CCDC50: variants seen among roughly 807,000 people sequenced by gnomAD.
CCDC50 encodes coiled-coil domain-containing protein 50.
In CCDC50, 54 loss-of-function variants were observed where a neutral mutation model predicts 70.2. The observed-to-expected ratio is 0.77, with a 90% CI of 0.62 to 0.96. CCDC50 has a LOEUF of 0.96. Among genes scored for constraint, CCDC50 ranks in the 50% least tolerant of loss-of-function variants. The pLI is 0.00. For synonymous variants in CCDC50, 216 were observed against 198.8 expected, an observed-to-expected ratio of 1.09 and a Z score of -0.73; for missense variants, 558 against 578.7, an observed-to-expected ratio of 0.96 and a Z score of 0.37.
intron 4 of CCDC50, among the ~76,000 whole-genome samples, chr3:191,362,731 C>T (rs1182018815): frequency 1.3e-5 from 2 of 152,180 alleles, no homozygotes; most frequent in Non-Finnish European, 2.9e-5. Context: ...ACTGCTACTC[C>T]TACTGAGCCA....
At chr3:191,342,393 G>A (rs1396443076) in intron 1 of CCDC50, among the ~76,000 whole-genome samples, 1 of 152,098 alleles carries the variant, frequency 6.6e-6, no homozygotes, top group Non-Finnish European at 1.5e-5. Flanking sequence ...TAATAGGAAG[G>A]AAAGTGCTAG....
At chr3:191,329,797 T>G in intron 1 of CCDC50, 74 bp downstream of exon 1, 1 of 1,514,274 alleles carries the variant, frequency 6.6e-7, no homozygotes, top group Admixed American at 2.0e-5. Context: ...TCAGGGGCGT[T>G]GCCATTTCGG....
chr3:191,365,958 T>C (rs970778004), intron 4 of CCDC50, among the ~76,000 whole-genome samples: 3 of 152,178 alleles, frequency 2.0e-5, no homozygotes, highest in Non-Finnish European at 2.9e-5. Context: ...GTTTCAGATT[T>C]TGGAGGATTT....
chr3:191,356,226 G>C (rs553763447), intron 1 of CCDC50, among the ~76,000 whole-genome samples: 2 of 152,214 alleles, frequency 1.3e-5, no homozygotes, highest in South Asian at 4.1e-4. Context: ...TTCATGTTTT[G>C]TCTGTTTGTA....
At chr3:191,355,917 C>T (rs192671) in intron 1 of CCDC50, among the ~76,000 whole-genome samples, 2 of 151,884 alleles carry the variant, frequency 1.3e-5, no homozygotes, top group Non-Finnish European at 2.9e-5. Context: ...ATCCCTCAGT[C>T]GTGAAGGACA....
At chr3:191,336,734 T>G (rs1452240874) in intron 1 of CCDC50, among the ~76,000 whole-genome samples, 1 of 152,220 alleles carries the variant, frequency 6.6e-6, no homozygotes, top group Non-Finnish European at 1.5e-5. Flanking sequence ...GTACTCAGAC[T>G]TATGCAATTA....
intron 2 of CCDC50, 117 bp downstream of exon 2, chr3:191,357,267 A>T: frequency 1.2e-6 from 1 of 803,280 alleles, no homozygotes; most frequent in Non-Finnish European, 2.1e-6. Context: ...CACCATCCAT[A>T]CATCCTGAAG....
chr3:191,359,343 A>C (rs568677139), intron 3 of CCDC50, among the ~76,000 whole-genome samples: 1 of 152,292 alleles, frequency 6.6e-6, no homozygotes, highest in East Asian at 1.9e-4. Context: ...AGCTGCAAGA[A>C]GTTCAGTGTT....
intron 1 of CCDC50, 109 bp downstream of exon 1, chr3:191,329,832 C>T (rs941983261): frequency 1.3e-5 from 15 of 1,161,184 alleles, no homozygotes; most frequent in Middle Eastern, 2.1e-4. Context: ...GCCCGGTGCC[C>T]GCCCTGCGTT....
chr3:191,352,612 C>CT (rs1386711206), intron 1 of CCDC50, among the ~76,000 whole-genome samples: 3 of 142,226 alleles, frequency 2.1e-5, no homozygotes, highest in Non-Finnish European at 4.8e-5. Flanking sequence ...ATTTAATAGA[C>CT]TATCAATAGA....
chr3:191,369,206 T>G (rs941288365), intron 4 of CCDC50, among the ~76,000 whole-genome samples: 2 of 152,206 alleles, frequency 1.3e-5, no homozygotes, highest in African/African-American at 4.8e-5. Context: ...ACTAATTCCT[T>G]TAAGCAAAAA....
At chr3:191,355,716 A>C (rs1712256264) in intron 1 of CCDC50, among the ~76,000 whole-genome samples, 1 of 152,236 alleles carries the variant, frequency 6.6e-6, no homozygotes, top group African/African-American at 2.4e-5. Flanking sequence ...ATCGGTTGAG[A>C]ATATGAAAAG....
At chr3:191,335,482 A>AAT (rs1711504443) in intron 1 of CCDC50, among the ~76,000 whole-genome samples, 1 of 152,196 alleles carries the variant, frequency 6.6e-6, no homozygotes, top group Admixed American at 6.5e-5. Flanking sequence ...TTTGGGGATT[A>AAT]CTTGGATGTT....
intron 1 of CCDC50, among the ~76,000 whole-genome samples, chr3:191,349,966 A>ACCCTCCCCCC (rs1712049829): frequency 9.5e-6 from 1 of 105,622 alleles, no homozygotes; most frequent in Non-Finnish European, 2.2e-5. Context: ...ATTTAATAAT[A>ACCCTCCCCCC]CCCCCCCCCT....
intron 1 of CCDC50, among the ~76,000 whole-genome samples, chr3:191,331,111 C>T (rs1407005402): frequency 6.6e-6 from 1 of 152,042 alleles, no homozygotes; most frequent in African/African-American, 2.4e-5. Context: ...TCTGGTTATC[C>T]TTTACTTTTG....
At chr3:191,371,326 T>C (rs2108659952) in intron 5 of CCDC50, among the ~76,000 whole-genome samples, 1 of 152,086 alleles carries the variant, frequency 6.6e-6, no homozygotes, top group South Asian at 2.1e-4. Context: ...GGGAAATGAG[T>C]ATTTGCAAGT....
In CCDC50 at chr3:191,393,684, A is replaced by C. The variant is rs1332817037; in HGVS notation, c.*1924A>C. 2 of 152,196 alleles carry C rather than the reference A, an allele frequency of 1.3e-5. No homozygotes were observed. Among genetic ancestry groups the C allele is most frequent in the Non-Finnish European group, 2.9e-5 (2 of 68,030 alleles). The allele number at this position is 152,196 out of a possible 1,614,324, so 9.4% of individuals were successfully genotyped here. A position where few individuals can be genotyped will look rare whatever the true frequency, so the allele number is the denominator to read the frequency against. On this transcript the variant is annotated 3_prime_UTR_variant, in exon 12 of 12. Coordinates refer to ENST00000392455, the MANE Select transcript of CCDC50 (RefSeq NM_178335.3). ...TTTATAGCTGTGATAAAATGGGTAA[A>C]GAAAAACCTCCATTTAAATAAGGAA...
At chr3:191,347,892 C>T (rs910995791) in intron 1 of CCDC50, among the ~76,000 whole-genome samples, 3 of 141,786 alleles carry the variant, frequency 2.1e-5, no homozygotes, top group African/African-American at 5.0e-5. Context: ...GTGCACTAGT[C>T]GTCATTGTTC....
intron 6 of CCDC50, among the ~76,000 whole-genome samples, chr3:191,378,653 C>T (rs1713199102): frequency 6.6e-6 from 1 of 152,082 alleles, no homozygotes; most frequent in African/African-American, 2.4e-5. Context: ...AATCTGCCTT[C>T]CTAGTTCTGA....
Sources: allele counts gnomAD v4.1 joint callset (sites outside exome capture counted in the v4.1 genomes callset), GRCh38; gene constraint gnomAD v4.1.1; transcripts MANE v1.5; gene names NCBI Gene and HGNC (gene_info 2026-07-23, HGNC 2026-07-21).